SMAD2: variants seen among roughly 807,000 people sequenced by gnomAD.
SMAD2 encodes the protein MAD homolog 2.
In SMAD2, 8 loss-of-function variants were observed where a neutral mutation model predicts 64.4. The observed-to-expected ratio is 0.12, with a 90% CI of 0.07 to 0.22. The LOEUF (loss-of-function observed/expected upper bound fraction) is 0.22. Among genes scored for constraint, SMAD2 ranks in the 10% least tolerant of loss-of-function variants. The probability of loss-of-function intolerance (pLI) is 1.00; values close to 1 mark genes in which losing one functional copy is unlikely to be tolerated. For missense variants in SMAD2, 289 were observed against 561.2 expected (o/e 0.51, Z 4.90); for synonymous variants, 203 against 195.8 (o/e 1.04, Z -0.31).
At chr18:47,858,239 G>T (rs1020551400) in intron 6 of SMAD2, among the ~76,000 whole-genome samples, 1 of 151,948 alleles carries the variant, frequency 6.6e-6, no homozygotes, top group South Asian at 2.1e-4. Context: ...ACAAATTATC[G>T]AAGACTTTAA....
intron 1 of SMAD2, among the ~76,000 whole-genome samples, chr18:47,898,225 A>T (rs2033526026): frequency 6.6e-6 from 1 of 152,230 alleles, no homozygotes. Context: ...TTGCTGGTGA[A>T]AAGGTCAAAT....
chr18:47,827,302 C>T lies in SMAD2; in HGVS notation c.*14525G>A, dbSNP rs1912788624. The T allele has an allele frequency of 6.6e-6, 1 of 152,046 alleles. No individual in the cohort carries two copies. Among genetic ancestry groups the T allele is most frequent in the Non-Finnish European group, 1.5e-5 (1 of 68,016 alleles). 9.4% of individuals were successfully genotyped at this position (152,046 alleles called of 1,614,324 possible). A position where few individuals can be genotyped will look rare whatever the true frequency, so the allele number is the denominator to read the frequency against. Reference sequence around the variant, plus strand: ...TCCCAGTCAAGAAATACCCAGACAACTAAAGAGACTAAAATCATGTAAATC... The same window carrying T: ...TCCCAGTCAAGAAATACCCAGACAATTAAAGAGACTAAAATCATGTAAATC... On this transcript the variant is annotated 3_prime_UTR_variant, in exon 11 of 11. Coordinates refer to ENST00000262160, the MANE Select transcript of SMAD2 (RefSeq NM_005901.6).
intron 2 of SMAD2, among the ~76,000 whole-genome samples, chr18:47,886,657 G>C (rs993000423): frequency 6.6e-6 from 1 of 151,842 alleles, no homozygotes; most frequent in South Asian, 2.1e-4. Context: ...AAAGGCTGGG[G>C]TGAAGGAGTT....
At chr18:47,852,185 T>C (rs755460090) in intron 6 of SMAD2, among the ~76,000 whole-genome samples, 1 of 152,208 alleles carries the variant, frequency 6.6e-6, no homozygotes, top group Non-Finnish European at 1.5e-5. Flanking sequence ...TTTATGTGTA[T>C]TAGGGATGTA....
In SMAD2 at chr18:47,816,972, A is replaced by G. The variant is rs1303150521; in HGVS notation, c.*24855T>C. On this transcript the variant is annotated 3_prime_UTR_variant, in exon 11 of 11. Transcript: ENST00000262160. ...GAGAGGGGGTTTCACTATGTTGGCC[A>G]GGCTGGTCTCAAACTCCTGACCTCG... is the stretch of plus-strand genomic sequence containing the variant. 1 of 152,266 alleles carries G rather than the reference A, an allele frequency of 6.6e-6. No homozygotes were observed. The highest frequency in any genetic ancestry group is 1.9e-4 in the East Asian group (1 of 5,198). 9.4% of individuals were successfully genotyped at this position (152,266 alleles called of 1,614,324 possible). A position where few individuals can be genotyped will look rare whatever the true frequency, so the allele number is the denominator to read the frequency against.
At chr18:47,871,084 G>C (rs1197150250) in intron 2 of SMAD2, among the ~76,000 whole-genome samples, 3 of 152,014 alleles carry the variant, frequency 2.0e-5, no homozygotes, top group African/African-American at 7.2e-5. Flanking sequence ...AATAAATAAA[G>C]AAATAGACTT....
chr18:47,922,296 C>G (rs1422164188), intron 1 of SMAD2, among the ~76,000 whole-genome samples: 1 of 152,110 alleles, frequency 6.6e-6, no homozygotes, highest in African/African-American at 2.4e-5. Context: ...TCTAAGGTCC[C>G]ACTAGAAATA....
intron 6 of SMAD2, among the ~76,000 whole-genome samples, chr18:47,851,772 C>G (rs546618086): frequency 6.6e-6 from 1 of 152,102 alleles, no homozygotes; most frequent in Non-Finnish European, 1.5e-5. Flanking sequence ...CACATAACAT[C>G]GCGATCCCAC....
chr18:47,860,620 A>G (rs890612932), intron 6 of SMAD2, among the ~76,000 whole-genome samples: 1 of 152,106 alleles, frequency 6.6e-6, no homozygotes, highest in African/African-American at 2.4e-5. Flanking sequence ...GCCAACCTTA[A>G]AGAAACTCTT....
intron 1 of SMAD2, among the ~76,000 whole-genome samples, chr18:47,919,529 G>A (rs2034481182): frequency 7.2e-6 from 1 of 138,218 alleles, no homozygotes; most frequent in South Asian, 2.4e-4. Flanking sequence ...CAAAGAATAG[G>A]AGATCTAACA....
intron 8 of SMAD2, among the ~76,000 whole-genome samples, chr18:47,847,921 C>T (rs1272409916): frequency 6.6e-6 from 1 of 152,060 alleles, no homozygotes; most frequent in African/African-American, 2.4e-5. Flanking sequence ...CACAAACTAG[C>T]TGAAAGGGTT....
chr18:47,886,951 G>C (rs1433933107), intron 2 of SMAD2: 2 of 146,674 alleles, frequency 1.4e-5, no homozygotes, highest in Non-Finnish European at 3.0e-5. Flanking sequence ...AAAGGCTTTT[G>C]TTAAAATGGC....
At chr18:47,887,444 T>G (rs922494571) in intron 2 of SMAD2, among the ~76,000 whole-genome samples, 5 of 152,114 alleles carry the variant, frequency 3.3e-5, no homozygotes, top group Non-Finnish European at 5.9e-5. Context: ...TAATGTGTGA[T>G]GGAGTCCTGT....
intron 1 of SMAD2, among the ~76,000 whole-genome samples, chr18:47,906,267 T>G (rs1385080080): frequency 6.6e-6 from 1 of 152,148 alleles, no homozygotes; most frequent in African/African-American, 2.4e-5. Context: ...TATACAGCTA[T>G]AATGCAAATA....
rs1912723082 is a variant in SMAD2, at chr18:47,825,572, A to C, written c.*16255T>G. 1 of 152,774 alleles carries C rather than the reference A, an allele frequency of 6.5e-6. No homozygotes were observed. Among genetic ancestry groups the C allele is most frequent in the South Asian group, 2.1e-4 (1 of 4,832 alleles). The allele number at this position is 152,774 out of a possible 1,614,324, so 9.5% of individuals were successfully genotyped here. ...TGCCCTTGAACTTCCCAGCCTGTAG[A>C]ACTGTGAGCATCCTTCATAAGTGAC... On this transcript the variant is annotated 3_prime_UTR_variant, in exon 11 of 11. Transcript: ENST00000262160.
chr18:47,858,157 G>A (rs1227816206), intron 6 of SMAD2, among the ~76,000 whole-genome samples: 1 of 151,084 alleles, frequency 6.6e-6, no homozygotes, highest in Non-Finnish European at 1.5e-5. Flanking sequence ...AGATGGAGGG[G>A]GAAAAAAATG....
chr18:47,860,863 A>G (rs2144350075), intron 6 of SMAD2, among the ~76,000 whole-genome samples: 1 of 152,306 alleles, frequency 6.6e-6, no homozygotes, highest in South Asian at 2.1e-4. Flanking sequence ...ATTAAGAACA[A>G]AAAGGAAAAA....
At position 47,868,874 on chromosome 18, in the gene SMAD2, C is replaced by T. The variant is rs547497102; in HGVS notation, c.520+369G>A. On this transcript the variant is annotated intron_variant, in intron 4 of 10. Transcript: ENST00000262160. ...AAGTCTTGTTACAAGCTTTACTAAACGGTGTACATACAAATGATGTCATTA... is the reference window on the plus strand; with the variant it reads ...AAGTCTTGTTACAAGCTTTACTAAATGGTGTACATACAAATGATGTCATTA... Among the ~76,000 whole-genome samples, 24 of 152,206 alleles carry T rather than the reference C, an allele frequency of 1.6e-4. No homozygotes were observed. The South Asian group carries it at 3.1e-3, about 20-fold the overall frequency.
At chr18:47,852,088 C>T (rs1169146062) in intron 6 of SMAD2, among the ~76,000 whole-genome samples, 2 of 152,110 alleles carry the variant, frequency 1.3e-5, no homozygotes, top group African/African-American at 2.4e-5. Context: ...TAGCTTTACA[C>T]ATGTTTATAT....
Sources: gnomAD v4.1 joint callset for allele counts (sites outside exome capture counted in the v4.1 genomes callset) on GRCh38, gnomAD v4.1.1 for gene constraint, MANE v1.5 for transcripts, NCBI Gene and HGNC (gene_info 2026-07-23, HGNC 2026-07-21) for gene names.